The following CTNND1 variants were observed in gnomAD, a reference collection of about 807,000 sequenced individuals.
CTNND1 encodes the protein catenin delta-1.
A neutral mutation model predicts 112.1 loss-of-function variants in CTNND1; 16 were observed. The observed-to-expected ratio is 0.14, with a 90% CI of 0.10 to 0.22. The LOEUF (loss-of-function observed/expected upper bound fraction) is 0.22. Ranked by LOEUF, CTNND1 falls within the 10% of genes least tolerant of loss-of-function variation. CTNND1 has a pLI of 1.00. For synonymous variants in CTNND1, 420 were observed against 446.5 expected, an observed-to-expected ratio of 0.94 and a Z score of 0.75; for missense variants, 1,008 against 1,257.0, an observed-to-expected ratio of 0.80 and a Z score of 3.00.
chr11:57,783,338 A>G (rs2059784576), intron 1 of CTNND1, among the ~76,000 whole-genome samples: 1 of 151,776 alleles, frequency 6.6e-6, no homozygotes, highest in Non-Finnish European at 1.5e-5. Context: ...AGGGCGGGGT[A>G]CTTAGACTTT....
intron 20 of CTNND1, 137 bp downstream of exon 20, chr11:57,816,138 T>A: frequency 8.7e-7 from 1 of 1,146,776 alleles, no homozygotes; most frequent in Non-Finnish European, 1.3e-6. Flanking sequence ...GGTTCTGCTT[T>A]TGTGATTATT....
At chr11:57,813,616 T>C (rs996630558) in intron 17 of CTNND1, among the ~76,000 whole-genome samples, 6 of 152,214 alleles carry the variant, frequency 3.9e-5, no homozygotes, top group African/African-American at 9.6e-5. Context: ...TACTAATTAG[T>C]ATACTATTAA....
chr11:57,771,546 G>C (rs1057112025), intron 1 of CTNND1, among the ~76,000 whole-genome samples: 24 of 152,104 alleles, frequency 1.6e-4, no homozygotes, highest in African/African-American at 5.8e-4. Flanking sequence ...GCTGGTTATT[G>C]CCAATGAACA....
chr11:57,794,309 C>A (rs191558740), intron 4 of CTNND1, among the ~76,000 whole-genome samples: 2 of 152,194 alleles, frequency 1.3e-5, no homozygotes, highest in Non-Finnish European at 2.9e-5. Flanking sequence ...CTCCTCCCCA[C>A]TGCCACCCCA....
intron 1 of CTNND1, among the ~76,000 whole-genome samples, chr11:57,773,802 C>T (rs557572592): frequency 2.7e-4 from 41 of 151,650 alleles, no homozygotes; most frequent in African/African-American, 8.7e-4. Context: ...ATTAGCCGGG[C>T]GTGGTGGTGG....
Position 57,796,758 on chromosome 11 carries a change from A to G in CTNND1, c.722A>G (p.Tyr241Cys), listed in dbSNP as rs866823237. The G allele has an allele frequency of 1.1e-5, 18 of 1,612,526 alleles. 1 individual carries two copies. In the Middle Eastern group the frequency reaches 2.8e-3, roughly 251 times the overall value. Reference sequence around the variant, plus strand: ...CGGGTGACCCGCATTGAGGAGCGGTATAGGCCCAGCATGGAAGGCTACCGG... The same window carrying G: ...CGGGTGACCCGCATTGAGGAGCGGTGTAGGCCCAGCATGGAAGGCTACCGG... ...LSRVTRIEER[Y>C]RPSMEGYRAP... Residue 241 changes from tyrosine (Y) to cysteine (C), a missense_variant, in exon 6 of 21, where the codon TAT becomes TGT. Coordinates refer to ENST00000399050, the MANE Select transcript of CTNND1 (RefSeq NM_001085458.2).
chr11:57,771,814 TA>T, intron 1 of CTNND1, among the ~76,000 whole-genome samples: 2 of 152,328 alleles, frequency 1.3e-5, no homozygotes, highest in East Asian at 3.9e-4. Context: ...AGTTAGCAGA[TA>T]ATTTGCATAG....
intron 9 of CTNND1, 57 bp downstream of exon 9, chr11:57,804,837 G>T: frequency 8.0e-7 from 1 of 1,250,398 alleles, no homozygotes; most frequent in Non-Finnish European, 1.2e-6. Flanking sequence ...CAACTATGAA[G>T]TATCTGTAGG....
intron 11 of CTNND1, 42 bp from the exon 12 acceptor site, chr11:57,806,873 A>C: frequency 6.7e-7 from 1 of 1,496,472 alleles, no homozygotes; most frequent in Non-Finnish European, 9.1e-7. Context: ...TTTCTTTTTT[A>C]AACTGGCTTA....
At chr11:57,805,792 C>T in intron 9 of CTNND1, 90 bp from the exon 10 acceptor site, 1 of 1,428,396 alleles carries the variant, frequency 7.0e-7, no homozygotes, top group Non-Finnish European at 9.5e-7. Flanking sequence ...TGAAGATCAA[C>T]ATTTTAATAC....
In CTNND1 at chr11:57,804,598, T is replaced by C. The variant is rs1014592673; in HGVS notation, c.1605-65T>C. 4.2e-6 allele frequency: 5 copies of C among 1,185,534 alleles called. No individual in the cohort carries two copies. The African/African-American group carries it at 7.5e-5, about 18-fold the overall frequency. The allele number at this position is 1,185,534 out of a possible 1,614,324, so 73.4% of individuals were successfully genotyped here. ...AACATATTCAGGAATCTTGTAGGTGTTGAGGGATATTTAAGGGAGGATTTC... is the reference window on the plus strand; with the variant it reads ...AACATATTCAGGAATCTTGTAGGTGCTGAGGGATATTTAAGGGAGGATTTC... On this transcript the variant is annotated intron_variant, in intron 8 of 20. Coordinates refer to ENST00000399050, the MANE Select transcript of CTNND1 (RefSeq NM_001085458.2).
At chr11:57,797,866 A>G (rs562143726) in intron 6 of CTNND1, among the ~76,000 whole-genome samples, 35 of 148,226 alleles carry the variant, frequency 2.4e-4, no homozygotes, top group Non-Finnish European at 4.6e-4. Context: ...AAAAAAAACA[A>G]CTTGTGATTG....
intron 1 of CTNND1, among the ~76,000 whole-genome samples, chr11:57,767,475 T>C (rs1951394032): frequency 6.6e-6 from 1 of 152,236 alleles, no homozygotes; most frequent in Non-Finnish European, 1.5e-5. Flanking sequence ...ACAAATGCTT[T>C]ATTCTATATT....
intron 6 of CTNND1, among the ~76,000 whole-genome samples, chr11:57,800,994 G>C (rs1456337879): frequency 6.6e-6 from 1 of 152,162 alleles, no homozygotes; most frequent in African/African-American, 2.4e-5. Flanking sequence ...GCTTCATTTT[G>C]AAAGAGCTGG....
Position 57,818,687 on chromosome 11 carries a change from C to T in CTNND1, c.*2379C>T, listed in dbSNP as rs927149595. 6.6e-6 allele frequency: 1 copy of T among 152,140 alleles called. No homozygotes were observed. Among genetic ancestry groups the T allele is most frequent in the Non-Finnish European group, 1.5e-5 (1 of 68,028 alleles). The allele number at this position is 152,140 out of a possible 1,614,324, so 9.4% of individuals were successfully genotyped here. On this transcript the variant is annotated 3_prime_UTR_variant, in exon 21 of 21. Transcript: ENST00000399050. Reference sequence around the variant, plus strand: ...ATGTGGCTGAAGTTGAACATGGGAGCTTATTGCTAATTTAGAGATAGGAAA... The same window carrying T: ...ATGTGGCTGAAGTTGAACATGGGAGTTTATTGCTAATTTAGAGATAGGAAA...
chr11:57,814,252 G>A (rs897011406), intron 17 of CTNND1, 59 bp from the exon 18 acceptor site: 3 of 1,259,838 alleles, frequency 2.4e-6, no homozygotes, highest in African/African-American at 2.9e-5. Flanking sequence ...CAATTTTCAT[G>A]ATGTGTACAG....
At chr11:57,804,873 C>T in intron 9 of CTNND1, 93 bp downstream of exon 9, 1 of 874,064 alleles carries the variant, frequency 1.1e-6, no homozygotes, top group African/African-American at 1.7e-5. Context: ...CTCAGGCTTT[C>T]AAGTAACATT....
At chr11:57,765,951 G>T (rs79148861) in intron 1 of CTNND1, among the ~76,000 whole-genome samples, 2 of 151,956 alleles carry the variant, frequency 1.3e-5, no homozygotes, top group African/African-American at 4.8e-5. Context: ...TGGGTGGATC[G>T]CTGGGCAACA....
intron 1 of CTNND1, among the ~76,000 whole-genome samples, chr11:57,773,305 G>A (rs1953201088): frequency 6.6e-6 from 1 of 151,904 alleles, no homozygotes; most frequent in South Asian, 2.1e-4. Context: ...GCTACTTTTT[G>A]TGTTTTTTGT....
Sources: gnomAD v4.1 joint callset for allele counts (sites outside exome capture counted in the v4.1 genomes callset) on GRCh38, gnomAD v4.1.1 for gene constraint, MANE v1.5 for transcripts, NCBI Gene and HGNC (gene_info 2026-07-23, HGNC 2026-07-21) for gene names.